The following GPBP1 variants were observed in gnomAD, a reference collection of about 807,000 sequenced individuals.
GPBP1 encodes vasculin.
Under a neutral mutation model 56.5 loss-of-function variants are expected in GPBP1, and 13 were observed. The observed-to-expected ratio is 0.23, with a 90% CI of 0.15 to 0.37. The LOEUF (loss-of-function observed/expected upper bound fraction) is 0.37, where lower values mean the gene tolerates loss of function less well. Among genes scored for constraint, GPBP1 ranks in the 10% least tolerant of loss-of-function variants. The probability of loss-of-function intolerance (pLI) is 1.00; values close to 1 mark genes in which losing one functional copy is unlikely to be tolerated. For synonymous variants in GPBP1, 204 were observed against 188.9 expected (o/e 1.08, Z -0.66); for missense variants, 477 against 572.3 (o/e 0.83, Z 1.70).
At chr5:57,244,001 C>G (rs1308879207) in intron 6 of GPBP1, among the ~76,000 whole-genome samples, 1 of 152,150 alleles carries the variant, frequency 6.6e-6, no homozygotes, top group Non-Finnish European at 1.5e-5. Flanking sequence ...CTTCCTGGAT[C>G]TGATACCTTC....
chr5:57,181,516 A>G (rs945627037), intron 2 of GPBP1, among the ~76,000 whole-genome samples: 10 of 151,194 alleles, frequency 6.6e-5, no homozygotes, highest in African/African-American at 9.7e-5. Context: ...GCTTATGCCT[A>G]TTATCCTAAT....
At chr5:57,209,278 C>T (rs1755374470) in intron 2 of GPBP1, among the ~76,000 whole-genome samples, 1 of 152,024 alleles carries the variant, frequency 6.6e-6, no homozygotes, top group South Asian at 2.1e-4. Flanking sequence ...TTTACTTTTT[C>T]CTTCCCAATT....
Position 57,186,450 on chromosome 5 carries a change from T to C in GPBP1, c.-58+10050T>C, listed in dbSNP as rs982318008. 6.6e-5 allele frequency among the ~76,000 whole-genome samples: 10 copies of C among 152,146 alleles called. No individual in the cohort carries two copies. In the South Asian group the frequency reaches 1.4e-3, roughly 22 times the overall value. On this transcript the variant is annotated intron_variant, in intron 2 of 11. Coordinates refer to ENST00000506184, the MANE Select transcript of GPBP1 (RefSeq NM_022913.4). ...GTGCTTTTGTGTCCTAAGAAATCAT[T>C]GCCTAACCCAAGGTCATAGAGTTTT...
Position 57,219,422 on chromosome 5 carries a change from A to AAC in GPBP1, c.63+5230_63+5231insCA, listed in dbSNP as rs1554067263. Reference sequence around the variant, plus strand: ...AAAAAAACCAAAAACAAACAAACAAAAAAAAAAACAACAAAACCACACACA... The same window carrying AAC: ...AAAAAAACCAAAAACAAACAAACAAAACAAAAAAAACAACAAAACCACACACA... On this transcript the variant is annotated intron_variant, in intron 3 of 11. Coordinates refer to ENST00000506184, the MANE Select transcript of GPBP1 (RefSeq NM_022913.4). Among the ~76,000 whole-genome samples, 1,296 of 145,128 alleles carry AAC rather than the reference A, an allele frequency of 8.9e-3. 137 individuals are homozygous for AAC. The highest frequency in any genetic ancestry group is 0.031 in the African/African-American group (1,188 of 38,200).
intron 2 of GPBP1, among the ~76,000 whole-genome samples, chr5:57,180,335 C>T (rs1010643659): frequency 1.3e-5 from 2 of 151,998 alleles, no homozygotes; most frequent in African/African-American, 4.8e-5. Context: ...AGGCTGGTCT[C>T]GAACTCCTGA....
At chr5:57,224,913 C>T (rs1756113282) in intron 3 of GPBP1, among the ~76,000 whole-genome samples, 1 of 151,430 alleles carries the variant, frequency 6.6e-6, no homozygotes, top group African/African-American at 2.4e-5. Context: ...GAGTGAACTG[C>T]TCACCTACTC....
intron 6 of GPBP1, chr5:57,236,899 C>A: frequency 1.9e-6 from 1 of 523,692 alleles, no homozygotes; most frequent in South Asian, 2.8e-5. Flanking sequence ...CTAGTCCTAA[C>A]AGTAAAGGCA....
chr5:57,193,019 T>C (rs1204805738), intron 2 of GPBP1, among the ~76,000 whole-genome samples: 2 of 151,582 alleles, frequency 1.3e-5, no homozygotes, highest in African/African-American at 2.4e-5. Context: ...ATGAGATGAA[T>C]GTTAAAGAAA....
chr5:57,249,630 T>C lies in GPBP1; in HGVS notation c.972+54T>C. 2.1e-6 allele frequency: 3 copies of C among 1,448,778 alleles called. No individual in the cohort carries two copies. The South Asian group carries it at 3.8e-5, about 19-fold the overall frequency. 89.7% of individuals were successfully genotyped at this position (1,448,778 alleles called of 1,614,324 possible). On this transcript the variant is annotated intron_variant, in intron 9 of 11. Transcript: ENST00000506184. ...TGACATTGATATGTCATTGAAATAT[T>C]TGAGCATGTATTAGGACCTTGGAAT...
intron 10 of GPBP1, among the ~76,000 whole-genome samples, chr5:57,256,289 A>G (rs915327691): frequency 2.6e-5 from 4 of 151,684 alleles, no homozygotes; most frequent in African/African-American, 9.7e-5. Flanking sequence ...AAACATCCTA[A>G]ATTGGAGTAA....
At chr5:57,250,583 T>G (rs1228046780) in intron 9 of GPBP1, among the ~76,000 whole-genome samples, 3 of 151,340 alleles carry the variant, frequency 2.0e-5, no homozygotes, top group Non-Finnish European at 4.4e-5. Context: ...TGCTCTTGTC[T>G]GGAGTATAGT....
chr5:57,201,916 A>G (rs1397835209), intron 2 of GPBP1, among the ~76,000 whole-genome samples: 1 of 152,068 alleles, frequency 6.6e-6, no homozygotes, highest in African/African-American at 2.4e-5. Flanking sequence ...AGTTTCTGTC[A>G]TTTATTGGCT....
At chr5:57,192,140 A>T (rs1194495516) in intron 2 of GPBP1, among the ~76,000 whole-genome samples, 1 of 152,212 alleles carries the variant, frequency 6.6e-6, no homozygotes, top group Admixed American at 6.5e-5. Context: ...GTTTCAGGTG[A>T]GTATCCTCAG....
chr5:57,248,742 C>T (rs2111930655), intron 8 of GPBP1: 1 of 152,288 alleles, frequency 6.6e-6, no homozygotes, highest in Non-Finnish European at 1.5e-5. Context: ...TTTATGATCT[C>T]AGACAGAATT....
At chr5:57,233,997 C>T (rs563774413) in intron 5 of GPBP1, among the ~76,000 whole-genome samples, 1 of 152,140 alleles carries the variant, frequency 6.6e-6, no homozygotes, top group Non-Finnish European at 1.5e-5. Context: ...CTATTATAAT[C>T]CTAGACTTGG....
In GPBP1 at chr5:57,175,738, C is replaced by G. The variant is rs1351782026; in HGVS notation, c.-720C>G. 3.0e-5 allele frequency: 12 copies of G among 396,378 alleles called. No individual in the cohort carries two copies. The highest frequency in any genetic ancestry group is 6.2e-5 in the African/African-American group (3 of 48,586). 24.6% of individuals were successfully genotyped at this position (396,378 alleles called of 1,614,324 possible). ...ATTTTTGCCTCCCCTTCCCCCACCC[C>G]GTTGTTGGGGTTCTTCAGCCGAAAC... On this transcript the variant is annotated 5_prime_UTR_variant, in exon 2 of 12. Transcript: ENST00000506184.
At chr5:57,221,456 C>G (rs1755956517) in intron 3 of GPBP1, 4 of 1,008,718 alleles carry the variant, frequency 4.0e-6, no homozygotes, top group Non-Finnish European at 6.0e-6. Context: ...CTAGCAAATT[C>G]CATTTGTTAT....
intron 2 of GPBP1, among the ~76,000 whole-genome samples, chr5:57,193,715 C>G (rs1436217319): frequency 6.7e-6 from 1 of 149,764 alleles, no homozygotes; most frequent in Admixed American, 6.7e-5. Flanking sequence ...ATTGTTGGAA[C>G]TTGTTTCCTG....
intron 6 of GPBP1, among the ~76,000 whole-genome samples, chr5:57,244,229 G>A (rs1740977661): frequency 6.6e-6 from 1 of 152,076 alleles, no homozygotes; most frequent in Admixed American, 6.6e-5. Context: ...CAGCTGTTAG[G>A]TTCCTTTGTG....
Sources: gnomAD v4.1 joint callset for allele counts (sites outside exome capture counted in the v4.1 genomes callset) on GRCh38, gnomAD v4.1.1 for gene constraint, MANE v1.5 for transcripts, NCBI Gene and HGNC (gene_info 2026-07-23, HGNC 2026-07-21) for gene names.